The following NCKAP5 variants were observed in gnomAD, a reference collection of about 807,000 sequenced individuals.
The protein encoded by NCKAP5 is NCK associated protein 5.
Under a neutral mutation model 167.0 loss-of-function variants are expected in NCKAP5, and 92 were observed. The ratio of observed to expected loss-of-function variants is 0.55; its 90% CI spans 0.47 to 0.66. NCKAP5 has a LOEUF of 0.66. Among genes scored for constraint, NCKAP5 ranks in the 30% least tolerant of loss-of-function variants. The pLI, the probability that NCKAP5 is intolerant of heterozygous loss-of-function variation, is 0.00. For missense variants in NCKAP5, 2,378 were observed against 2,315.0 expected (o/e 1.03, Z -0.56); for synonymous variants, 891 against 877.4 (o/e 1.02, Z -0.27).
Position 133,263,570 on chromosome 2 carries a change from T to A in NCKAP5, c.143+39467A>T, listed in dbSNP as rs145437096. Reference sequence around the variant, plus strand: ...AAATGCAAACCAAAATTTATGACTATCAGCTAGCATTATAAAAACCATTTC... The same window carrying A: ...AAATGCAAACCAAAATTTATGACTAACAGCTAGCATTATAAAAACCATTTC... On this transcript the variant is annotated intron_variant, in intron 4 of 19. Coordinates refer to ENST00000409261, the MANE Select transcript of NCKAP5 (RefSeq NM_207363.3). Among the ~76,000 whole-genome samples the A allele has an allele frequency of 3.9e-5, 6 of 152,206 alleles. No homozygotes were observed. The East Asian group carries it at 1.2e-3, about 29-fold the overall frequency.
Position 133,447,223 on chromosome 2 carries a change from T to C in NCKAP5, c.69+70235A>G, listed in dbSNP as rs571961004. On this transcript the variant is annotated intron_variant, in intron 3 of 19. Transcript: ENST00000409261. ...AGGAAAAACAAATTGCCATAGACCC[T>C]AGAGGGGCTCAATATTGATGGGAAA... Among the ~76,000 whole-genome samples the C allele has an allele frequency of 1.1e-3, 170 of 152,224 alleles. 1 individual carries two copies. Among genetic ancestry groups the C allele is most frequent in the African/African-American group, 3.9e-3 (164 of 41,534 alleles).
chr2:133,282,056 T>C (rs2089955623), intron 4 of NCKAP5, among the ~76,000 whole-genome samples: 1 of 152,120 alleles, frequency 6.6e-6, no homozygotes, highest in African/African-American at 2.4e-5. Flanking sequence ...ATATATTTAG[T>C]GACAACTCAT....
At chr2:133,350,203 G>C (rs928581268) in intron 3 of NCKAP5, among the ~76,000 whole-genome samples, 11 of 152,136 alleles carry the variant, frequency 7.2e-5, no homozygotes, top group Non-Finnish European at 1.5e-4. Context: ...CCTGAGCCCA[G>C]GAGTTTGAGA....
At chr2:133,469,006 T>C (rs1692828918) in intron 3 of NCKAP5, among the ~76,000 whole-genome samples, 1 of 152,132 alleles carries the variant, frequency 6.6e-6, no homozygotes, top group South Asian at 2.1e-4. Context: ...TTTAGTCCAT[T>C]TACATTTAAA....
At chr2:132,944,430 T>A (rs1268831996) in intron 8 of NCKAP5, among the ~76,000 whole-genome samples, 1 of 152,234 alleles carries the variant, frequency 6.6e-6, no homozygotes, top group Non-Finnish European at 1.5e-5. Context: ...ACCTTAAAAT[T>A]GTCATCTCAT....
intron 4 of NCKAP5, among the ~76,000 whole-genome samples, chr2:133,249,084 T>C (rs2088159154): frequency 2.0e-5 from 3 of 152,078 alleles, no homozygotes; most frequent in Non-Finnish European, 4.4e-5. Context: ...GAATCACCCC[T>C]ACTTATGCCA....
At chr2:133,382,031 C>T (rs926517667) in intron 3 of NCKAP5, among the ~76,000 whole-genome samples, 2 of 152,208 alleles carry the variant, frequency 1.3e-5, no homozygotes, top group Non-Finnish European at 2.9e-5. Context: ...AAATCAAACT[C>T]ATGATTTGCA....
chr2:132,939,607 G>A (rs1697130703), intron 8 of NCKAP5, among the ~76,000 whole-genome samples: 2 of 151,808 alleles, frequency 1.3e-5, no homozygotes, highest in South Asian at 2.1e-4. Context: ...AATAGATTTT[G>A]GGGTACAAGT....
At position 132,783,555 on chromosome 2, in the gene NCKAP5, G is replaced by A; in HGVS notation, c.3256C>T (p.Pro1086Ser). Residue 1086 changes from proline to serine, a missense_variant, in exon 14 of 20, where the codon CCA (proline) becomes TCA (serine). By Grantham distance (74) the Pro-to-Ser change is moderately conservative (BLOSUM62 -1). This residue lies in a region of NCKAP5 where 1,325 missense variants were observed against 1,274.5 expected (regional missense o/e 1.04). Transcript: ENST00000409261. ...LEMTSSKSVSPGRKGQLNDSA... is the reference protein window; with the variant it reads ...LEMTSSKSVSSGRKGQLNDSA... ...TCATTCAATTGTCCTTTTCTCCCTG[G>A]AGATACACTTTTGGAGGACGTCATT... 6.2e-7 allele frequency: 1 copy of A among 1,613,950 alleles called. No individual in the cohort carries two copies. Among genetic ancestry groups the A allele is most frequent in the Non-Finnish European group, 8.5e-7 (1 of 1,179,890 alleles).
In NCKAP5 at chr2:133,048,843, G is replaced by A. The variant is rs576982140; in HGVS notation, c.342-54604C>T. Among the ~76,000 whole-genome samples the A allele has an allele frequency of 2.1e-3, 324 of 152,224 alleles. 1 individual carries two copies. The highest frequency in any genetic ancestry group is 4.8e-3 in the Admixed American group (73 of 15,288). On this transcript the variant is annotated intron_variant, in intron 6 of 19. Coordinates refer to ENST00000409261, the MANE Select transcript of NCKAP5 (RefSeq NM_207363.3). ...CTTGTCCCTATAGCTTGCAGATTTG[G>A]TCCCAACACTCACAGTGACTAACAA... is the stretch of plus-strand genomic sequence containing the variant.
chr2:133,211,286 A>G (rs987017781), intron 5 of NCKAP5, among the ~76,000 whole-genome samples: 11 of 152,172 alleles, frequency 7.2e-5, no homozygotes, highest in African/African-American at 2.4e-4. Context: ...GCTGGGATGC[A>G]GTAGTATGAT....
intron 3 of NCKAP5, among the ~76,000 whole-genome samples, chr2:133,488,733 C>T (rs1264634234): frequency 2.0e-5 from 3 of 151,922 alleles, no homozygotes; most frequent in Non-Finnish European, 2.9e-5. Context: ...ACGGCCAACA[C>T]GGTGAAACCC....
chr2:133,330,400 T>G (rs570876385), intron 3 of NCKAP5, among the ~76,000 whole-genome samples: 1 of 151,042 alleles, frequency 6.6e-6, no homozygotes, highest in African/African-American at 2.4e-5. Context: ...TGTTTTTGTT[T>G]TTTTTTTTTC....
chr2:133,623,821 T>G, the NCKAP5 span, among the ~76,000 whole-genome samples: 2 of 152,146 alleles, frequency 1.3e-5, no homozygotes, highest in Non-Finnish European at 2.9e-5. Context: ...GAAGTCATTA[T>G]ACAAAAAAGA....
chr2:133,388,512 C>T (rs1343596773), intron 3 of NCKAP5, among the ~76,000 whole-genome samples: 3 of 152,192 alleles, frequency 2.0e-5, no homozygotes, highest in Non-Finnish European at 2.9e-5. Flanking sequence ...GCAGTCTGTC[C>T]GTTCTCAGAT....
At chr2:132,815,332 C>T (rs1686181004) in intron 11 of NCKAP5, among the ~76,000 whole-genome samples, 1 of 152,108 alleles carries the variant, frequency 6.6e-6, no homozygotes, top group Non-Finnish European at 1.5e-5. Flanking sequence ...TGCTCTTAGA[C>T]TCATTTGAGA....
intron 10 of NCKAP5, among the ~76,000 whole-genome samples, chr2:132,863,197 C>A (rs747369748): frequency 6.6e-5 from 10 of 152,164 alleles, no homozygotes; most frequent in Non-Finnish European, 1.0e-4. Context: ...GTATATAACA[C>A]TCTCTGCTCC....
chr2:132,871,791 C>G (rs551325942), intron 9 of NCKAP5, among the ~76,000 whole-genome samples: 1 of 89,204 alleles, frequency 1.1e-5, no homozygotes, highest in Non-Finnish European at 2.3e-5. Flanking sequence ...GGACTCACTG[C>G]GCTTCTTTGA....
At chr2:133,114,871 C>T (rs1227652864) in intron 6 of NCKAP5, among the ~76,000 whole-genome samples, 2 of 152,058 alleles carry the variant, frequency 1.3e-5, no homozygotes, top group Admixed American at 1.3e-4. Context: ...TTGGGTATTT[C>T]CATCAAGAGA....
Sources: allele counts gnomAD v4.1 joint callset (sites outside exome capture counted in the v4.1 genomes callset), GRCh38; gene constraint gnomAD v4.1.1; regional missense constraint gnomAD v4.1.1; transcripts MANE v1.5; gene names NCBI Gene and HGNC (gene_info 2026-07-23, HGNC 2026-07-21).